VPS13D: variants seen among roughly 807,000 people sequenced by gnomAD.
VPS13D encodes the protein vacuolar protein sorting 13 homolog D, also known as intermembrane lipid transfer protein VPS13D.
A neutral mutation model predicts 461.9 loss-of-function variants in VPS13D; 187 were observed. That is an observed-to-expected ratio of 0.40 (90% CI 0.36 to 0.46). The LOEUF is 0.46. Among genes scored for constraint, VPS13D ranks in the 20% least tolerant of loss-of-function variants. VPS13D has a pLI of 0.60. For synonymous variants in VPS13D, 1,951 were observed against 1,986.3 expected (o/e 0.98, Z 0.47); for missense variants, 4,711 against 5,364.9 (o/e 0.88, Z 3.81).
At chr1:12,230,298 G>A (rs1360572887) in intron 1 of VPS13D, among the ~76,000 whole-genome samples, 178 bp downstream of exon 1, 1 of 152,108 alleles carries the variant, frequency 6.6e-6, no homozygotes, top group Admixed American at 6.5e-5. Flanking sequence ...AGCCCCTCGG[G>A]GTAACCCTGG....
At chr1:12,406,864 T>C (rs1344533843) in intron 63 of VPS13D, among the ~76,000 whole-genome samples, 2 of 152,166 alleles carry the variant, frequency 1.3e-5, no homozygotes, top group Admixed American at 1.3e-4. Flanking sequence ...ATTTAGAGCA[T>C]TGGGGTATTA....
chr1:12,316,186 C>T (rs2101513766), intron 30 of VPS13D, among the ~76,000 whole-genome samples: 1 of 152,140 alleles, frequency 6.6e-6, no homozygotes, highest in East Asian at 1.9e-4. Flanking sequence ...TAGTTGTCTC[C>T]TTCTTATCAT....
chr1:12,445,987 T>C (rs562227363), intron 65 of VPS13D, among the ~76,000 whole-genome samples: 4 of 152,318 alleles, frequency 2.6e-5, no homozygotes, highest in African/African-American at 9.6e-5. Context: ...CAGCTTTGCA[T>C]GTGTAGCTTT....
At chr1:12,404,166 TA>T (rs75598248) in intron 63 of VPS13D, among the ~76,000 whole-genome samples, 193 bp downstream of exon 63, 3,385 of 123,108 alleles carry the variant, frequency 0.027, 57 homozygotes, top group African/African-American at 0.046. Context: ...TATTTGTCTT[TA>T]AAAAAAAAAA....
rs1646045919 is a variant in VPS13D at position 12,502,324 on chromosome 1, G to A, written c.12795-4529G>A. ...GGCAGCATCAGTGGAACCCTCAACT[G>A]CTAAATTGGAATCTGAGTGAGGAGG... On this transcript the variant is annotated intron_variant, in intron 68 of 69. Coordinates refer to ENST00000620676, the MANE Select transcript of VPS13D (RefSeq NM_015378.4). The surrounding 1 kb of genome is among the most constrained non-coding windows in gnomAD (Gnocchi z 4.3). Among the ~76,000 whole-genome samples, 1 of 152,132 alleles carries A rather than the reference G, an allele frequency of 6.6e-6. No individual in the cohort carries two copies. The highest frequency in any genetic ancestry group is 6.5e-5 in the Admixed American group (1 of 15,274).
intron 67 of VPS13D, among the ~76,000 whole-genome samples, chr1:12,496,615 G>A (rs759691418): frequency 7.9e-5 from 12 of 152,316 alleles, no homozygotes; most frequent in South Asian, 2.1e-4. Flanking sequence ...GTACAAGGCC[G>A]AGGACAGACC....
chr1:12,357,933 G>A (rs889058971), intron 49 of VPS13D, among the ~76,000 whole-genome samples: 1 of 147,316 alleles, frequency 6.8e-6, no homozygotes, highest in African/African-American at 2.4e-5. Flanking sequence ...GAACCTGGGA[G>A]GCGGAGGTTG....
intron 68 of VPS13D, among the ~76,000 whole-genome samples, chr1:12,497,883 C>T (rs1645981713): frequency 6.6e-6 from 1 of 152,190 alleles, no homozygotes; most frequent in Non-Finnish European, 1.5e-5. Context: ...AAATGACAGT[C>T]TCTTTCTAGT....
chr1:12,367,908 C>G (rs1032868815), intron 52 of VPS13D, among the ~76,000 whole-genome samples: 2 of 151,980 alleles, frequency 1.3e-5, no homozygotes, highest in African/African-American at 4.8e-5. Flanking sequence ...CACCCGGCTG[C>G]AATGCAGATT....
chr1:12,441,343 G>A (rs1645128456), intron 65 of VPS13D, among the ~76,000 whole-genome samples: 1 of 152,190 alleles, frequency 6.6e-6, no homozygotes, highest in Admixed American at 6.5e-5. Context: ...TTCAGGCACT[G>A]TCCGGGGCGG....
Position 12,293,701 on chromosome 1 carries a change from G to A in VPS13D, c.6030G>A (p.Gln2010=). The change falls in exon 24 of 70, where the codon CAG becomes CAA. Residue 2010 remains glutamine, a synonymous_variant. Coordinates refer to ENST00000620676, the MANE Select transcript of VPS13D (RefSeq NM_015378.4). ...GCCAGCGAGCTGCTATTGAGGGGCA[G>A]ACGGTAGGTAGCCTGGGCCCTCCAA... is the stretch of plus-strand genomic sequence containing the variant. The part of the protein sequence containing the change: ...LGRQRAAIEG[Q]TVRDQAQRCS... The A allele has an allele frequency of 6.2e-7, 1 of 1,613,254 alleles. No individual in the cohort carries two copies. The highest frequency in any genetic ancestry group is 8.5e-7 in the Non-Finnish European group (1 of 1,179,740).
intron 44 of VPS13D, among the ~76,000 whole-genome samples, chr1:12,348,189 A>G (rs1643717719): frequency 6.6e-6 from 1 of 152,236 alleles, no homozygotes; most frequent in African/African-American, 2.4e-5. Context: ...TCTGGATTTT[A>G]CAAAGACAAA....
chr1:12,307,458 G>A (rs192185827), intron 26 of VPS13D, among the ~76,000 whole-genome samples: 4 of 152,128 alleles, frequency 2.6e-5, no homozygotes, highest in African/African-American at 9.6e-5. Flanking sequence ...GCTTGTGCAG[G>A]GCCTTGTAGG....
rs2100569010 is a variant in VPS13D, at chr1:12,507,728, T to C, written c.13035+635T>C. On this transcript the variant is annotated intron_variant, in intron 69 of 69. Transcript: ENST00000620676. This position sits in a 1 kb window ranked among gnomAD's most constrained non-coding sequence, Gnocchi z 5.3. ...CCTCCTCACTATTGGTCATAGCAGG[T>C]GATTCATTCAAGGCTACACAGCTGA... 6.6e-6 allele frequency among the ~76,000 whole-genome samples: 1 copy of C among 152,298 alleles called. No individual in the cohort carries two copies. The highest frequency in any genetic ancestry group is 1.9e-4 in the East Asian group (1 of 5,182).
At position 12,383,271 on chromosome 1, in the gene VPS13D, C is replaced by G. The variant is rs1011016972; in HGVS notation, c.11370+116C>G. 2.1e-5 allele frequency: 23 copies of G among 1,095,462 alleles called. 1 individual carries two copies. The highest frequency in any genetic ancestry group is 1.3e-6 in the Non-Finnish European group (1 of 797,934). The allele number at this position is 1,095,462 out of a possible 1,614,324, so 67.9% of individuals were successfully genotyped here. ...TATGCCAGATATGAAGATATGGTAT[C>G]TTCATCTGTAAAATGGGGATAGGAT... On this transcript the variant is annotated intron_variant, in intron 58 of 69. Coordinates refer to ENST00000620676, the MANE Select transcript of VPS13D (RefSeq NM_015378.4).
intron 40 of VPS13D, 76 bp from the exon 41 acceptor site, chr1:12,341,704 C>G (rs1643570851): frequency 1.5e-6 from 2 of 1,358,200 alleles, no homozygotes; most frequent in Admixed American, 3.7e-5. Context: ...AATTTGGGCA[C>G]TGTCTCCAGG....
intron 36 of VPS13D, 67 bp downstream of exon 36, chr1:12,327,921 C>CTTT: frequency 3.3e-6 from 4 of 1,204,448 alleles, no homozygotes; most frequent in Non-Finnish European, 3.4e-6. Context: ...TATTTGGGGC[C>CTTT]TTTTTTTTTT....
In VPS13D at chr1:12,507,498, C is replaced by T. The variant is rs1646127612; in HGVS notation, c.13035+405C>T. 2 of 467,330 alleles carry T rather than the reference C, an allele frequency of 4.3e-6. No homozygotes were observed. Among genetic ancestry groups the T allele is most frequent in the South Asian group, 3.2e-5 (2 of 62,140 alleles). 28.9% of individuals were successfully genotyped at this position (467,330 alleles called of 1,614,324 possible). On this transcript the variant is annotated intron_variant, in intron 69 of 69. Coordinates refer to ENST00000620676, the MANE Select transcript of VPS13D (RefSeq NM_015378.4). This position sits in a 1 kb window ranked among gnomAD's most constrained non-coding sequence, Gnocchi z 5.3. ...CACGCTGGTTTCTCCATTGTTTCTC[C>T]TTAACAGTGGAAACCGTAACTTTTG...
At chr1:12,444,837 GA>G (rs1457331969) in intron 65 of VPS13D, among the ~76,000 whole-genome samples, 1 of 152,132 alleles carries the variant, frequency 6.6e-6, no homozygotes, top group African/African-American at 2.4e-5. Flanking sequence ...CATTGTATAA[GA>G]AAGATTTTAG....
Sources: gnomAD v4.1 joint callset for allele counts (sites outside exome capture counted in the v4.1 genomes callset) on GRCh38, gnomAD v4.1.1 for gene constraint, Gnocchi (gnomAD v3.1) non-coding constraint, MANE v1.5 for transcripts, NCBI Gene and HGNC (gene_info 2026-07-23, HGNC 2026-07-21) for gene names.